NKAIN3: variants seen among roughly 807,000 people sequenced by gnomAD.
NKAIN3 encodes the protein sodium/potassium transporting ATPase interacting 3, also known as sodium/potassium-transporting ATPase subunit beta-1-interacting protein 3.
NKAIN3 carries 25 observed loss-of-function variants against 30.2 expected under a neutral mutation model. The ratio of observed to expected loss-of-function variants is 0.83; its 90% CI spans 0.60 to 1.16. The LOEUF (loss-of-function observed/expected upper bound fraction) is 1.16. Among genes scored for constraint, NKAIN3 ranks in the 50% most tolerant of loss-of-function variants. NKAIN3 has a pLI of 0.00. For synonymous variants in NKAIN3, 91 were observed against 89.6 expected (o/e 1.02, Z -0.09); for missense variants, 225 against 254.1 (o/e 0.89, Z 0.78).
chr8:62,750,443 A>G (rs996840517), intron 4 of NKAIN3, among the ~76,000 whole-genome samples: 4 of 152,106 alleles, frequency 2.6e-5, no homozygotes, highest in Non-Finnish European at 4.4e-5. Flanking sequence ...AAACGAATAC[A>G]ATTAACTGGA....
chr8:62,682,491 G>A (rs559000816), intron 3 of NKAIN3, among the ~76,000 whole-genome samples: 3 of 152,274 alleles, frequency 2.0e-5, no homozygotes, highest in Non-Finnish European at 4.4e-5. Flanking sequence ...ACGTGGGGGA[G>A]GGGTTGAATA....
chr8:62,617,312 G>A (rs1811488221), intron 3 of NKAIN3, among the ~76,000 whole-genome samples: 1 of 152,138 alleles, frequency 6.6e-6, no homozygotes, highest in South Asian at 2.1e-4. Context: ...CATTACCCAG[G>A]AAATCCCAAG....
intron 4 of NKAIN3, chr8:62,855,358 A>T: frequency 2.9e-6 from 2 of 695,088 alleles, no homozygotes; most frequent in African/African-American, 1.8e-5. Flanking sequence ...TCTTCAGCCC[A>T]TATGCCTCTT....
At chr8:62,457,001 A>G (rs912392077) in intron 1 of NKAIN3, among the ~76,000 whole-genome samples, 1 of 152,220 alleles carries the variant, frequency 6.6e-6, no homozygotes, top group African/African-American at 2.4e-5. Context: ...AGCAGACTTT[A>G]ATCTCCATGA....
At chr8:62,435,125 C>T (rs988362436) in intron 1 of NKAIN3, among the ~76,000 whole-genome samples, 1 of 152,088 alleles carries the variant, frequency 6.6e-6, no homozygotes, top group African/African-American at 2.4e-5. Context: ...AGCGCTGACA[C>T]CTCTAGCTGA....
chr8:62,814,482 T>C (rs1480895767), intron 4 of NKAIN3, among the ~76,000 whole-genome samples: 3 of 151,978 alleles, frequency 2.0e-5, no homozygotes, highest in African/African-American at 7.3e-5. Context: ...TAGTTGGAAG[T>C]AAAGCTCTCC....
At chr8:62,745,632 C>A (rs1236117137) in intron 3 of NKAIN3, among the ~76,000 whole-genome samples, 1 of 152,182 alleles carries the variant, frequency 6.6e-6, no homozygotes. Context: ...ATTAACACCC[C>A]AGAAATACTA....
chr8:62,403,120 G>A (rs1342847076), intron 1 of NKAIN3, among the ~76,000 whole-genome samples: 1 of 152,180 alleles, frequency 6.6e-6, no homozygotes, highest in Non-Finnish European at 1.5e-5. Flanking sequence ...TCTTCAAAGA[G>A]AATGGCAGCA....
intron 1 of NKAIN3, among the ~76,000 whole-genome samples, chr8:62,318,200 G>T (rs1329502202): frequency 6.6e-6 from 1 of 152,142 alleles, no homozygotes; most frequent in Non-Finnish European, 1.5e-5. Flanking sequence ...GGGTTTTCTA[G>T]ATATGCAATC....
At chr8:62,572,267 A>G (rs1809968399) in intron 1 of NKAIN3, among the ~76,000 whole-genome samples, 1 of 152,306 alleles carries the variant, frequency 6.6e-6, no homozygotes, top group African/African-American at 2.4e-5. Flanking sequence ...AAACATAACA[A>G]GAGTCACCTT....
intron 4 of NKAIN3, among the ~76,000 whole-genome samples, chr8:62,884,923 A>G (rs1317378969): frequency 1.3e-5 from 2 of 151,480 alleles, no homozygotes; most frequent in Non-Finnish European, 2.9e-5. Flanking sequence ...TTTCTATTCA[A>G]TAGCTTCCTA....
intron 3 of NKAIN3, among the ~76,000 whole-genome samples, chr8:62,645,205 T>C (rs544506356): frequency 6.6e-6 from 1 of 152,136 alleles, no homozygotes; most frequent in African/African-American, 2.4e-5. Context: ...GATCACAGAA[T>C]TGAACAGCAG....
intron 5 of NKAIN3, among the ~76,000 whole-genome samples, chr8:62,940,030 G>A (rs1005895604): frequency 6.6e-6 from 1 of 151,726 alleles, no homozygotes; most frequent in African/African-American, 2.4e-5. Context: ...TAACACATAA[G>A]GACTCACATA....
At chr8:62,333,685 T>G (rs1049853950) in intron 1 of NKAIN3, among the ~76,000 whole-genome samples, 1 of 152,120 alleles carries the variant, frequency 6.6e-6, no homozygotes, top group Admixed American at 6.6e-5. Flanking sequence ...GTTTCTAGAG[T>G]GACAGGCATT....
intron 3 of NKAIN3, among the ~76,000 whole-genome samples, chr8:62,699,112 C>G (rs918435121): frequency 6.6e-6 from 1 of 152,122 alleles, no homozygotes; most frequent in South Asian, 2.1e-4. Flanking sequence ...GGGATATTTA[C>G]ACATTATCGC....
intron 1 of NKAIN3, among the ~76,000 whole-genome samples, chr8:62,458,022 G>T (rs1387361640): frequency 6.6e-6 from 1 of 152,148 alleles, no homozygotes; most frequent in African/African-American, 2.4e-5. Context: ...GACGGGACTG[G>T]TTAGTGTATA....
intron 5 of NKAIN3, among the ~76,000 whole-genome samples, chr8:62,933,902 T>C (rs1200892692): frequency 6.6e-6 from 1 of 152,090 alleles, no homozygotes; most frequent in African/African-American, 2.4e-5. Flanking sequence ...CAGACAGTAA[T>C]TGAAAAATTA....
chr8:62,471,251 G>A (rs1489615817), intron 1 of NKAIN3, among the ~76,000 whole-genome samples: 2 of 151,952 alleles, frequency 1.3e-5, no homozygotes, highest in Admixed American at 6.6e-5. Flanking sequence ...TGGGGAGGGC[G>A]GGTTAAAGGA....
intron 1 of NKAIN3, among the ~76,000 whole-genome samples, chr8:62,300,304 A>G (rs1250538592): frequency 2.6e-5 from 4 of 152,126 alleles, no homozygotes; most frequent in Non-Finnish European, 5.9e-5. Flanking sequence ...ACAGATGTAT[A>G]AACAATATTA....
Sources: gnomAD v4.1 joint callset for allele counts (sites outside exome capture counted in the v4.1 genomes callset) on GRCh38, gnomAD v4.1.1 for gene constraint, MANE v1.5 for transcripts, NCBI Gene and HGNC (gene_info 2026-07-23, HGNC 2026-07-21) for gene names.